Variants in ABCB7 observed in about 807,000 individuals in gnomAD.
ABCB7 encodes iron-sulfur clusters transporter ABCB7, mitochondrial.
A neutral mutation model predicts 54.4 loss-of-function variants in ABCB7; 7 were observed. The ratio of observed to expected loss-of-function variants is 0.13; its 90% CI spans 0.07 to 0.24. The LOEUF (loss-of-function observed/expected upper bound fraction) is 0.24. Among genes scored for constraint, ABCB7 ranks in the 10% least tolerant of loss-of-function variants. The pLI is 1.00. For synonymous variants in ABCB7, 218 were observed against 207.1 expected (o/e 1.05, Z -0.45); for missense variants, 356 against 570.4 (o/e 0.62, Z 3.83).
chrX:75,093,723 T>C (rs929712541), intron 4 of ABCB7, among the ~76,000 whole-genome samples: 9 of 102,891 alleles, frequency 8.7e-5, no homozygotes, highest in African/African-American at 3.1e-4. Flanking sequence ...TATTGTTCAA[T>C]TTTTCTGTAA....
At chrX:75,091,517 C>A (rs1467542970) in intron 4 of ABCB7, among the ~76,000 whole-genome samples, 1 of 111,042 alleles carries the variant, frequency 9.0e-6, no homozygotes, top group Non-Finnish European at 1.9e-5. Context: ...AAACTGTGAA[C>A]AAGGCAAGGA....
intron 4 of ABCB7, among the ~76,000 whole-genome samples, chrX:75,088,064 T>C (rs1391654322): frequency 1.8e-5 from 2 of 111,849 alleles, no homozygotes; most frequent in South Asian, 3.7e-4. Context: ...TAACATGATA[T>C]GTGAACCTGA....
chrX:75,115,789 G>C (rs187360908), intron 1 of ABCB7, among the ~76,000 whole-genome samples: 19 of 107,346 alleles, frequency 1.8e-4, no homozygotes, highest in African/African-American at 4.5e-4. Context: ...TGTGTGTTGG[G>C]GGGGGGGGCA....
chrX:75,119,337 G>A (rs2081853189), intron 1 of ABCB7, among the ~76,000 whole-genome samples: 1 of 112,152 alleles, frequency 8.9e-6, no homozygotes, highest in African/African-American at 3.2e-5. Flanking sequence ...TGGAAGGTTT[G>A]TGAAAAATTA....
chrX:75,130,761 C>A (rs1315197955), intron 1 of ABCB7, among the ~76,000 whole-genome samples: 1 of 110,574 alleles, frequency 9.0e-6, no homozygotes. Context: ...GGAAGAAAGA[C>A]CCTGGGAAAA....
intron 15 of ABCB7, among the ~76,000 whole-genome samples, chrX:75,056,726 G>A (rs1329348126): frequency 5.4e-5 from 6 of 110,429 alleles, no homozygotes; most frequent in East Asian, 5.7e-4. Context: ...CCAATATATC[G>A]CAAGGTTCTC....
chrX:75,151,454 A>G (rs1418701475), intron 1 of ABCB7, among the ~76,000 whole-genome samples: 3 of 111,371 alleles, frequency 2.7e-5, no homozygotes, highest in Non-Finnish European at 5.7e-5. Flanking sequence ...TCCTCCCAAC[A>G]CTACCAAATA....
chrX:75,082,229 G>A (rs981557937), intron 4 of ABCB7, among the ~76,000 whole-genome samples: 2 of 111,648 alleles, frequency 1.8e-5, no homozygotes, highest in Admixed American at 1.9e-4. Flanking sequence ...TTATGTATAA[G>A]GGAAAAACAA....
At chrX:75,085,375 G>A (rs1451490064) in intron 4 of ABCB7, among the ~76,000 whole-genome samples, 2 of 111,798 alleles carry the variant, frequency 1.8e-5, no homozygotes, top group African/African-American at 6.5e-5. Flanking sequence ...CCATTTATAT[G>A]GCATTCTCAA....
chrX:75,094,116 CTTTA>C (rs201171080), intron 4 of ABCB7, among the ~76,000 whole-genome samples: 1,866 of 100,322 alleles, frequency 0.019, 65 homozygotes, highest in African/African-American at 0.069. Context: ...ACCTGTTATA[CTTTA>C]TATAACAGAT....
chrX:75,150,616 T>C (rs1162255897), intron 1 of ABCB7, among the ~76,000 whole-genome samples: 1 of 111,490 alleles, frequency 9.0e-6, no homozygotes, highest in Non-Finnish European at 1.9e-5. Context: ...TGTAGATATC[T>C]GTCTTGACGT....
Position 75,052,191 on chromosome X carries a change from G to A in ABCB7, c.*1179C>T, listed in dbSNP as rs1388868277. The A allele has an allele frequency of 9.0e-6, 1 of 111,643 alleles. No homozygotes were observed. The highest frequency in any genetic ancestry group is 1.9e-5 in the Non-Finnish European group (1 of 53,176). The allele number at this position is 111,643 out of a possible 1,213,427, so 9.2% of individuals were successfully genotyped here. A position where few individuals can be genotyped will look rare whatever the true frequency, so the allele number is the denominator to read the frequency against. ...ATACTTCAAAAATTCTAGCGGCCGGGTGCGGTGGCTCAAGCCTGTAATCCC... is the reference window on the plus strand; with the variant it reads ...ATACTTCAAAAATTCTAGCGGCCGGATGCGGTGGCTCAAGCCTGTAATCCC... On this transcript the variant is annotated 3_prime_UTR_variant, in exon 16 of 16. Coordinates refer to ENST00000373394, the MANE Select transcript of ABCB7 (RefSeq NM_001271696.3).
chrX:75,148,597 A>C (rs1298025032), intron 1 of ABCB7, among the ~76,000 whole-genome samples: 2 of 111,451 alleles, frequency 1.8e-5, no homozygotes, highest in African/African-American at 6.5e-5. Context: ...TAAAGAGGTA[A>C]TTAAAGTTCA....
chrX:75,079,045 A>G (rs1284585294), intron 4 of ABCB7, among the ~76,000 whole-genome samples: 1 of 111,831 alleles, frequency 8.9e-6, no homozygotes, highest in Admixed American at 9.5e-5. Flanking sequence ...GCTGTAGTGA[A>G]TGACGCCTAA....
rs11412316 is a variant in ABCB7 at position 75,052,793 on chromosome X, C to CAA, written c.*575_*576dup. 1.0e-5 allele frequency: 1 copy of CAA among 99,279 alleles called. No homozygotes were observed. Among genetic ancestry groups the CAA allele is most frequent in the African/African-American group, 4.0e-5 (1 of 25,262 alleles). 8.2% of individuals were successfully genotyped at this position (99,279 alleles called of 1,213,427 possible). On this transcript the variant is annotated 3_prime_UTR_variant, in exon 16 of 16. Coordinates refer to ENST00000373394, the MANE Select transcript of ABCB7 (RefSeq NM_001271696.3). The stretch of plus-strand genomic sequence containing the variant: ...AATCTGTCTCAAAAAAAAAAAACAA[C>CAA]AAAAAACAAAAAACAACAAAACAAA...
intron 3 of ABCB7, among the ~76,000 whole-genome samples, chrX:75,108,823 C>T (rs920464015): frequency 9.0e-6 from 1 of 111,032 alleles, no homozygotes; most frequent in African/African-American, 3.3e-5. Flanking sequence ...ATACTTATTC[C>T]ATTAATTAAT....
At chrX:75,084,958 A>G (rs759159984) in intron 4 of ABCB7, among the ~76,000 whole-genome samples, 9 of 112,519 alleles carry the variant, frequency 8.0e-5, no homozygotes, top group Admixed American at 7.5e-4. Flanking sequence ...CCAAGTGTTG[A>G]CAAAGAAGCA....
At chrX:75,143,418 T>C (rs926305965) in intron 1 of ABCB7, among the ~76,000 whole-genome samples, 10 of 111,611 alleles carry the variant, frequency 9.0e-5, no homozygotes, top group African/African-American at 2.9e-4. Flanking sequence ...ATTCAACAAG[T>C]CTCGAGGGAG....
chrX:75,127,180 T>C lies in ABCB7; in HGVS notation c.169-12349A>G, dbSNP rs186295272. Among the ~76,000 whole-genome samples, 9 of 111,439 alleles carry C rather than the reference T, an allele frequency of 8.1e-5. No homozygotes were observed. The East Asian group carries it at 2.3e-3, about 28-fold the overall frequency. ...CTCCATAAAATACTGGCAAACTGAA[T>C]CCAGCAGCACATTAAAAAACTTATC... On this transcript the variant is annotated intron_variant, in intron 1 of 15. Transcript: ENST00000373394.
Sources: allele counts gnomAD v4.1 joint callset (sites outside exome capture counted in the v4.1 genomes callset), GRCh38; gene constraint gnomAD v4.1.1; transcripts MANE v1.5; gene names NCBI Gene and HGNC (gene_info 2026-07-23, HGNC 2026-07-21).